GLS2: variants seen among roughly 807,000 people sequenced by gnomAD.
GLS2 encodes the protein glutaminase 2, also known as glutaminase liver isoform, mitochondrial.
A neutral mutation model predicts 79.0 loss-of-function variants in GLS2; 52 were observed. That is an observed-to-expected ratio of 0.66 (90% CI 0.53 to 0.83). The LOEUF (loss-of-function observed/expected upper bound fraction) is 0.83, where lower values mean the gene tolerates loss of function less well. Ranked by LOEUF, GLS2 falls within the 40% of genes least tolerant of loss-of-function variation. The pLI, the probability that GLS2 is intolerant of heterozygous loss-of-function variation, is 0.00. For missense variants in GLS2, 561 were observed against 764.8 expected (o/e 0.73, Z 3.14); for synonymous variants, 238 against 280.8 (o/e 0.85, Z 1.52).
In GLS2 at chr12:56,477,917, C is replaced by T; in HGVS notation, c.778+16G>A. 6.2e-7 allele frequency: 1 copy of T among 1,609,026 alleles called. No homozygotes were observed. The highest frequency in any genetic ancestry group is 1.3e-5 in the African/African-American group (1 of 75,020). On this transcript the variant is annotated intron_variant, in intron 6 of 17. Transcript: ENST00000311966. The stretch of plus-strand genomic sequence containing the variant: ...GGGACAGCTGTAAGTACGGTCTGAG[C>T]CTTGGTAGTGCTCACCTTCCTCATT...
chr12:56,472,586 C>G (rs932796772), intron 15 of GLS2, 104 bp downstream of exon 15: 2 of 1,063,522 alleles, frequency 1.9e-6, no homozygotes, highest in African/African-American at 3.2e-5. Flanking sequence ...TATATCCATT[C>G]TAATTCCAAA....
chr12:56,473,815 C>T, intron 12 of GLS2: 1 of 541,794 alleles, frequency 1.8e-6, no homozygotes, highest in Non-Finnish European at 3.1e-6. Flanking sequence ...TTACAGCATT[C>T]TGTGCTAGAT....
chr12:56,481,822 C>A (rs1270913090), intron 1 of GLS2, among the ~76,000 whole-genome samples: 1 of 151,482 alleles, frequency 6.6e-6, no homozygotes, highest in Non-Finnish European at 1.5e-5. Context: ...ACCCAGGAGT[C>A]AGAGGTTGCA....
chr12:56,485,655 A>G (rs1870623200), intron 1 of GLS2, among the ~76,000 whole-genome samples: 1 of 152,220 alleles, frequency 6.6e-6, no homozygotes, highest in Non-Finnish European at 1.5e-5. Flanking sequence ...TATAGTGATC[A>G]GATAAGGGTA....
At position 56,478,169 on chromosome 12, in the gene GLS2, G is replaced by C; in HGVS notation, c.614+14C>G. ...CTGTGCCCTGCCTCCCCTTCCTCTT[G>C]CCCAGCATCTCACCGTTGACCATCC... On this transcript the variant is annotated intron_variant, in intron 5 of 17. Coordinates refer to ENST00000311966, the MANE Select transcript of GLS2 (RefSeq NM_013267.4). The C allele has an allele frequency of 6.2e-7, 1 of 1,614,186 alleles. No individual in the cohort carries two copies. The highest frequency in any genetic ancestry group is 8.5e-7 in the Non-Finnish European group (1 of 1,180,024).
intron 4 of GLS2, chr12:56,478,490 G>A (rs1565705589): frequency 3.8e-6 from 2 of 526,802 alleles, no homozygotes; most frequent in Non-Finnish European, 6.8e-6. Flanking sequence ...GCCAATGGAA[G>A]TTAAAAAAGG....
Position 56,475,548 on chromosome 12 carries a change from A to C in GLS2, c.929+76T>G, listed in dbSNP as rs866173972. ...TTCCTCCTAAGATTCTCTCTCCCCCATTCCTCTTGTCCCCATCCTAAGTAC... is the reference window on the plus strand; with the variant it reads ...TTCCTCCTAAGATTCTCTCTCCCCCCTTCCTCTTGTCCCCATCCTAAGTAC... On this transcript the variant is annotated intron_variant, in intron 9 of 17. Coordinates refer to ENST00000311966, the MANE Select transcript of GLS2 (RefSeq NM_013267.4). 187 of 1,467,370 alleles carry C rather than the reference A, an allele frequency of 1.3e-4. 3 individuals are homozygous for C. In the South Asian group the frequency reaches 1.4e-3, roughly 11 times the overall value. The allele number at this position is 1,467,370 out of a possible 1,614,324, so 90.9% of individuals were successfully genotyped here.
At chr12:56,475,528 C>T (rs1360568127) in intron 9 of GLS2, 96 bp downstream of exon 9, 2 of 1,304,268 alleles carry the variant, frequency 1.5e-6, no homozygotes, top group Admixed American at 2.0e-5. Context: ...ATTTCTTCCT[C>T]CTAAGATTCT....
At chr12:56,487,731 C>G in intron 1 of GLS2, 2 of 616,756 alleles carry the variant, frequency 3.2e-6, no homozygotes, top group Non-Finnish European at 5.4e-6. Flanking sequence ...GACCCGCTTG[C>G]CCGAACGCAC....
chr12:56,487,106 G>A (rs1033794023), intron 1 of GLS2, among the ~76,000 whole-genome samples: 1 of 152,172 alleles, frequency 6.6e-6, no homozygotes. Flanking sequence ...TAGAGCAGGG[G>A]CTCTTTGGAC....
chr12:56,482,001 C>T (rs902367293), intron 1 of GLS2, among the ~76,000 whole-genome samples: 2 of 152,068 alleles, frequency 1.3e-5, no homozygotes, highest in Non-Finnish European at 2.9e-5. Flanking sequence ...GAGGCCAAGG[C>T]GGGCAGATCA....
chr12:56,478,850 G>T, intron 4 of GLS2: 1 of 556,398 alleles, frequency 1.8e-6, no homozygotes, highest in Non-Finnish European at 3.0e-6. Context: ...AAAATTAGTC[G>T]GGCATGGTGG....
chr12:56,483,500 G>A (rs1424776921), intron 1 of GLS2, among the ~76,000 whole-genome samples: 1 of 152,154 alleles, frequency 6.6e-6, no homozygotes. Flanking sequence ...AGAAATTGGG[G>A]TGTGCTCTAA....
rs1319303801 is a variant in GLS2, at chr12:56,471,808, G to T, written c.1617C>A (p.Ile539=). The change falls in exon 17 of 18, where the codon ATC becomes ATA. Residue 539 remains isoleucine (I), a synonymous_variant. Transcript: ENST00000311966. ...EGHIEVVKFL[I]EACKVNPFAK... The stretch of plus-strand genomic sequence containing the variant: ...CAAAAGGATTCACTTTGCAAGCCTC[G>T]ATCAGGAATTTAACAACTTCGATGT... The T allele has an allele frequency of 6.2e-6, 10 of 1,613,964 alleles. 1 individual carries two copies. Among genetic ancestry groups the T allele is most frequent in the Non-Finnish European group, 7.6e-6 (9 of 1,180,000 alleles).
chr12:56,480,332 T>A lies in GLS2; in HGVS notation c.238A>T (p.Ile80Phe). The A allele has an allele frequency of 6.2e-7, 1 of 1,614,118 alleles. No individual in the cohort carries two copies. Among genetic ancestry groups the A allele is most frequent in the East Asian group, 2.2e-5 (1 of 44,886 alleles). ...GGGATTCGTTCCTGTCCTTCAGCAA[T>A]AGTGTAAAAGAGCAAATCACCCAGG... The part of the protein sequence containing the change: ...SRLGDLLFYT[I>F]AEGQERIPIH... The change falls in exon 2 of 18, where the codon ATT becomes TTT. Residue 80 changes from isoleucine (I) to phenylalanine (F), a missense_variant. Coordinates refer to ENST00000311966, the MANE Select transcript of GLS2 (RefSeq NM_013267.4).
intron 15 of GLS2, 117 bp from the exon 16 acceptor site, chr12:56,472,312 A>T (rs1294737948): frequency 1.2e-6 from 1 of 866,658 alleles, no homozygotes; most frequent in Non-Finnish European, 1.9e-6. Flanking sequence ...GCCTATAGCC[A>T]GATTTGTTGG....
chr12:56,485,996 G>A, intron 1 of GLS2, among the ~76,000 whole-genome samples: 1 of 109,552 alleles, frequency 9.1e-6, no homozygotes. Flanking sequence ...AGCCTGGGCG[G>A]CAAAGAGACT....
rs1387408916 is a variant in GLS2, at chr12:56,481,662, A to G, written c.183-1275T>C. Among the ~76,000 whole-genome samples the G allele has an allele frequency of 7.9e-3, 1,144 of 143,964 alleles. 17 individuals carry two copies. Among genetic ancestry groups the G allele is most frequent in the African/African-American group, 0.028 (1,067 of 38,182 alleles). 94.4% of individuals were successfully genotyped at this position (143,964 alleles called of 152,430 possible). Reference sequence around the variant, plus strand: ...TCCCAGCACTTTGGGAGGCTGAGGCAGGCGGATCACCTGAGGTTAGGAGTT... The same window carrying G: ...TCCCAGCACTTTGGGAGGCTGAGGCGGGCGGATCACCTGAGGTTAGGAGTT... On this transcript the variant is annotated intron_variant, in intron 1 of 17. Transcript: ENST00000311966.
chr12:56,487,594 A>C, intron 1 of GLS2: 1 of 372,824 alleles, frequency 2.7e-6, no homozygotes, highest in Non-Finnish European at 4.9e-6. Context: ...AATACACACG[A>C]GGACTAGGGA....
Sources: allele counts gnomAD v4.1 joint callset (sites outside exome capture counted in the v4.1 genomes callset), GRCh38; gene constraint gnomAD v4.1.1; transcripts MANE v1.5; gene names NCBI Gene and HGNC (gene_info 2026-07-23, HGNC 2026-07-21).